RNF217: variants seen among roughly 807,000 people sequenced by gnomAD.
RNF217 encodes the protein E3 ubiquitin-protein ligase RNF217.
A neutral mutation model predicts 57.8 loss-of-function variants in RNF217; 31 were observed. The observed-to-expected ratio is 0.54, with a 90% CI of 0.40 to 0.72. RNF217 has a LOEUF of 0.72. Ranked by LOEUF, RNF217 falls within the 30% of genes least tolerant of loss-of-function variation. The pLI is 0.00. For missense variants in RNF217, 696 were observed against 708.3 expected, an observed-to-expected ratio of 0.98 and a Z score of 0.20; for synonymous variants, 313 against 294.0, an observed-to-expected ratio of 1.06 and a Z score of -0.66.
chr6:125,049,302 G>A (rs1445073477), intron 2 of RNF217, among the ~76,000 whole-genome samples: 1 of 152,024 alleles, frequency 6.6e-6, no homozygotes, highest in African/African-American at 2.4e-5. Flanking sequence ...ATATATATGT[G>A]TGGTTATTTG....
intron 1 of RNF217, among the ~76,000 whole-genome samples, chr6:125,036,429 T>C (rs1236315011): frequency 6.6e-6 from 1 of 152,202 alleles, no homozygotes; most frequent in African/African-American, 2.4e-5. Flanking sequence ...TATAATCCTT[T>C]GGGTATATAC....
chr6:124,999,939 C>T (rs544003097), intron 1 of RNF217, among the ~76,000 whole-genome samples: 2 of 152,210 alleles, frequency 1.3e-5, no homozygotes, highest in East Asian at 1.9e-4. Flanking sequence ...TTGACAAGAT[C>T]AGTTTAATGA....
intron 1 of RNF217, among the ~76,000 whole-genome samples, chr6:125,028,802 A>G (rs1278763220): frequency 2.6e-5 from 4 of 151,988 alleles, no homozygotes; most frequent in African/African-American, 4.8e-5. Flanking sequence ...TTACTGTGTT[A>G]AATTACTGTG....
At chr6:125,010,622 G>A (rs964465147) in intron 1 of RNF217, among the ~76,000 whole-genome samples, 8 of 152,146 alleles carry the variant, frequency 5.3e-5, no homozygotes, top group East Asian at 1.9e-4. Context: ...AAAATAGTTC[G>A]TTGTGTTAAA....
intron 5 of RNF217, chr6:125,082,468 C>T: frequency 6.2e-7 from 1 of 1,611,558 alleles, no homozygotes; most frequent in Non-Finnish European, 8.5e-7. Context: ...TTAAGACTTA[C>T]TGGAACCTCA....
At chr6:125,001,749 T>G (rs1784994744) in intron 1 of RNF217, among the ~76,000 whole-genome samples, 1 of 152,246 alleles carries the variant, frequency 6.6e-6, no homozygotes, top group African/African-American at 2.4e-5. Flanking sequence ...AAATCCTTCA[T>G]GCATCACTGC....
rs188571705 is a variant in RNF217 at position 125,058,202 on chromosome 6, G to A, written c.1281+96G>A. The A allele has an allele frequency of 6.7e-5, 70 of 1,046,146 alleles. 1 individual carries two copies. The East Asian group carries it at 1.3e-3, about 20-fold the overall frequency. 64.8% of individuals were successfully genotyped at this position (1,046,146 alleles called of 1,614,324 possible). ...TGAAGGGAATTATAACTGTCTTAAT[G>A]CAGGTATGTGGAAAAAGAGTATTGC... On this transcript the variant is annotated intron_variant, in intron 3 of 5. Transcript: ENST00000521654.
chr6:125,045,175 C>T (rs1554290769), intron 1 of RNF217, 36 bp from the exon 2 acceptor site: 8 of 1,349,594 alleles, frequency 5.9e-6, no homozygotes, highest in East Asian at 2.3e-5. Flanking sequence ...TAACCAGTGA[C>T]GTTTTTTTCC....
intron 3 of RNF217, among the ~76,000 whole-genome samples, chr6:125,067,686 T>C (rs1342120537): frequency 1.3e-5 from 2 of 152,180 alleles, no homozygotes; most frequent in South Asian, 4.1e-4. Flanking sequence ...CACTTGACTT[T>C]GAAATGGCTG....
At chr6:125,079,034 C>T (rs1284006129) in intron 4 of RNF217, among the ~76,000 whole-genome samples, 1 of 152,172 alleles carries the variant, frequency 6.6e-6, no homozygotes, top group Non-Finnish European at 1.5e-5. Flanking sequence ...TCTTGGAATA[C>T]AGCCTCATGT....
chr6:125,038,102 G>A (rs1489870682), intron 1 of RNF217, among the ~76,000 whole-genome samples: 1 of 152,174 alleles, frequency 6.6e-6, no homozygotes, highest in African/African-American at 2.4e-5. Flanking sequence ...TGAACGTTAA[G>A]TGGATAATAG....
At chr6:125,005,425 T>C (rs1785144509) in intron 1 of RNF217, among the ~76,000 whole-genome samples, 1 of 152,318 alleles carries the variant, frequency 6.6e-6, no homozygotes, top group East Asian at 1.9e-4. Flanking sequence ...GTGAAACTCT[T>C]TAATCATGAT....
chr6:125,077,062 G>A (rs1788405350), intron 4 of RNF217, among the ~76,000 whole-genome samples: 1 of 152,138 alleles, frequency 6.6e-6, no homozygotes, highest in Non-Finnish European at 1.5e-5. Flanking sequence ...TAGTAATTTT[G>A]TTTGAAAAAG....
At chr6:125,009,148 C>A in intron 1 of RNF217, 2 of 1,431,634 alleles carry the variant, frequency 1.4e-6, no homozygotes, top group Non-Finnish European at 1.9e-6. Context: ...GACCTTTTGC[C>A]ATTTTTTCTC....
chr6:125,036,374 C>T (rs983227502), intron 1 of RNF217, among the ~76,000 whole-genome samples: 1 of 152,016 alleles, frequency 6.6e-6, no homozygotes, highest in African/African-American at 2.4e-5. Flanking sequence ...GTGAATAGTG[C>T]TGCAATAAAC....
At chr6:125,059,269 T>C (rs1787639015) in intron 3 of RNF217, among the ~76,000 whole-genome samples, 1 of 152,184 alleles carries the variant, frequency 6.6e-6, no homozygotes, top group South Asian at 2.1e-4. Flanking sequence ...GTTTTCTTTG[T>C]TTTCCTTGTA....
At chr6:125,059,648 A>G (rs1338926210) in intron 3 of RNF217, among the ~76,000 whole-genome samples, 1 of 152,236 alleles carries the variant, frequency 6.6e-6, no homozygotes, top group Admixed American at 6.5e-5. Flanking sequence ...AACACAAAAT[A>G]CATACATTTG....
At chr6:124,968,031 C>T (rs908211673) in intron 1 of RNF217, among the ~76,000 whole-genome samples, 5 of 152,158 alleles carry the variant, frequency 3.3e-5, no homozygotes, top group African/African-American at 9.7e-5. Context: ...CCACCCGCCT[C>T]GCACTCCCAA....
chr6:125,064,786 T>C (rs1017252777), intron 3 of RNF217, among the ~76,000 whole-genome samples: 3 of 152,124 alleles, frequency 2.0e-5, no homozygotes, highest in African/African-American at 7.2e-5. Flanking sequence ...ATATCACATG[T>C]CATCTATACT....
Sources: allele counts gnomAD v4.1 joint callset (sites outside exome capture counted in the v4.1 genomes callset), GRCh38; gene constraint gnomAD v4.1.1; transcripts MANE v1.5; gene names NCBI Gene and HGNC (gene_info 2026-07-23, HGNC 2026-07-21).